The following CA6 variants were observed in gnomAD, a reference collection of about 807,000 sequenced individuals.
The protein encoded by CA6 is carbonic anhydrase 6, also known as carbonate dehydratase VI.
A neutral mutation model predicts 35.9 loss-of-function variants in CA6; 28 were observed. That is an observed-to-expected ratio of 0.78 (90% CI 0.58 to 1.07). The LOEUF (loss-of-function observed/expected upper bound fraction) is 1.07, where lower values mean the gene tolerates loss of function less well. CA6 is among the 50% of genes least tolerant of loss of function. The pLI, the probability that CA6 is intolerant of heterozygous loss-of-function variation, is 0.00. For synonymous variants in CA6, 148 were observed against 152.6 expected, an observed-to-expected ratio of 0.97 and a Z score of 0.22; for missense variants, 377 against 382.0, an observed-to-expected ratio of 0.99 and a Z score of 0.11.
chr1:8,973,718 T>TCTTTCTC (rs1557635440), intron 7 of CA6, among the ~76,000 whole-genome samples: 1 of 9,640 alleles, frequency 1.0e-4, no homozygotes, highest in South Asian at 6.0e-3. Context: ...CTCTCTTTCT[T>TCTTTCTC]TCTTTCTTTC....
Position 8,974,465 on chromosome 1 carries a change from A to T in CA6, c.845-157A>T, listed in dbSNP as rs752932558. 5.3e-6 allele frequency: 8 copies of T among 1,511,484 alleles called. No homozygotes were observed. In the South Asian group the frequency reaches 1.0e-4, roughly 19 times the overall value. 93.6% of individuals were successfully genotyped at this position (1,511,484 alleles called of 1,614,324 possible). ...CCTGAGTTCAAACACAGTGAAGATG[A>T]CTAAAGGCAATGCACCGGGCACGTG... On this transcript the variant is annotated intron_variant, in intron 7 of 7. Coordinates refer to ENST00000377443, the MANE Select transcript of CA6 (RefSeq NM_001215.4).
chr1:8,957,144 C>T lies in CA6; in HGVS notation c.267C>T (p.Ile89=), dbSNP rs551142758. The T allele has an allele frequency of 4.3e-4, 687 of 1,607,332 alleles. 8 individuals are homozygous for T. The South Asian group carries it at 7.1e-3, about 17-fold the overall frequency. ...PMVNNGHTVQ[I]SLPSTMRMTV... ...CCCACCTTGTCTCTCCAGTGCAGATCAGCCTGCCCTCCACCATGCGCATGA... is the reference window on the plus strand; with the variant it reads ...CCCACCTTGTCTCTCCAGTGCAGATTAGCCTGCCCTCCACCATGCGCATGA... Residue 89 remains isoleucine, a synonymous_variant, in exon 3 of 8, where the codon ATC becomes ATT. Transcript: ENST00000377443.
rs1207668248 is a variant in CA6 at position 8,963,063 on chromosome 1, G to A, written c.571+407G>A. Among the ~76,000 whole-genome samples the A allele has an allele frequency of 6.6e-6, 1 of 152,090 alleles. No homozygotes were observed. Among genetic ancestry groups the A allele is most frequent in the African/African-American group, 2.4e-5 (1 of 41,422 alleles). The stretch of plus-strand genomic sequence containing the variant: ...ATACCACTTGGACATCCAGACACTC[G>A]GGGTGTTCTTCCGTCCCCTCTCCTC... On this transcript the variant is annotated intron_variant, in intron 5 of 7. Transcript: ENST00000377443. The surrounding 1 kb of genome is among the most constrained non-coding windows in gnomAD (Gnocchi z 4.1).
intron 1 of CA6, among the ~76,000 whole-genome samples, chr1:8,946,802 T>G (rs1002370077): frequency 6.5e-5 from 8 of 123,546 alleles, no homozygotes; most frequent in African/African-American, 2.3e-4. Context: ...TGTTTTTTTT[T>G]TTGTTTTTTT....
chr1:8,949,653 A>G (rs113523347), intron 2 of CA6, among the ~76,000 whole-genome samples: 2,791 of 152,036 alleles, frequency 0.018, 51 homozygotes, highest in African/African-American at 0.038. Context: ...CTTTCGACTC[A>G]ACTCCCTGCT....
At chr1:8,959,075 G>C in intron 4 of CA6, 73 bp downstream of exon 4, 1 of 852,090 alleles carries the variant, frequency 1.2e-6, no homozygotes, top group Admixed American at 1.9e-5. Flanking sequence ...GTGAAGTCTA[G>C]TTGAACAGTC....
chr1:8,949,606 G>A (rs1254741127), intron 2 of CA6, among the ~76,000 whole-genome samples, 164 bp downstream of exon 2: 1 of 152,042 alleles, frequency 6.6e-6, no homozygotes, highest in Non-Finnish European at 1.5e-5. Flanking sequence ...GACTGGCCCC[G>A]AAACCTAGTG....
At chr1:8,958,842 T>C in intron 3 of CA6, 68 bp from the exon 4 acceptor site, 1 of 870,232 alleles carries the variant, frequency 1.1e-6, no homozygotes. Context: ...TCTTCCTCCT[T>C]CCCTGGAAAT....
Position 8,967,807 on chromosome 1 carries a change from C to T in CA6, c.720C>T (p.Ser240=). The T allele has an allele frequency of 6.2e-7, 1 of 1,613,954 alleles. No homozygotes were observed. The highest frequency in any genetic ancestry group is 1.1e-5 in the South Asian group (1 of 91,062). ...TGCTGGCAGATTTTGTCAAGCTCTC[C>T]AGGACACAGGTAATGTATGGTATCA... ...WFVLADFVKL[S]RTQVWKLENS... The change falls in exon 6 of 8, where the codon TCC becomes TCT. Residue 240 remains serine, a synonymous_variant. Transcript: ENST00000377443.
intron 1 of CA6, among the ~76,000 whole-genome samples, chr1:8,947,954 C>T (rs1197620194): frequency 6.6e-6 from 1 of 151,630 alleles, no homozygotes; most frequent in African/African-American, 2.4e-5. Context: ...AAGTGATTCT[C>T]CTGCCTTAGC....
chr1:8,957,586 C>G (rs1639722888), intron 3 of CA6, among the ~76,000 whole-genome samples: 1 of 152,090 alleles, frequency 6.6e-6, no homozygotes. Flanking sequence ...GGTGATCCAC[C>G]CGCCTTGGCC....
At position 8,963,995 on chromosome 1, in the gene CA6, C is replaced by T. The variant is rs1229604864; in HGVS notation, c.571+1339C>T. ...CCTGTGCCTGGGCTCCAGCAATTCC[C>T]CTGGAGCTGACGCTCCCACTCCCAC... is the stretch of plus-strand genomic sequence containing the variant. On this transcript the variant is annotated intron_variant, in intron 5 of 7. Coordinates refer to ENST00000377443, the MANE Select transcript of CA6 (RefSeq NM_001215.4). The surrounding 1 kb of genome is among the most constrained non-coding windows in gnomAD (Gnocchi z 4.1). 6.6e-6 allele frequency among the ~76,000 whole-genome samples: 1 copy of T among 152,230 alleles called. No individual in the cohort carries two copies. The highest frequency in any genetic ancestry group is 1.9e-4 in the East Asian group (1 of 5,198).
chr1:8,953,643 A>G (rs200790678), intron 2 of CA6, among the ~76,000 whole-genome samples: 4 of 137,190 alleles, frequency 2.9e-5, no homozygotes, highest in Non-Finnish European at 5.0e-5. Flanking sequence ...CAATCAGTCA[A>G]TCAATCAATC....
chr1:8,967,942 A>C (rs1406590360), intron 6 of CA6, 126 bp downstream of exon 6: 2 of 697,714 alleles, frequency 2.9e-6, no homozygotes, highest in Non-Finnish European at 4.5e-6. Context: ...GTGCAGGGCT[A>C]CTGTGCCTCG....
intron 1 of CA6, among the ~76,000 whole-genome samples, chr1:8,948,035 T>C (rs1191567514): frequency 6.6e-6 from 1 of 151,974 alleles, no homozygotes; most frequent in East Asian, 1.9e-4. Context: ...TTAGTAGAGA[T>C]GGAGTTTCTC....
chr1:8,968,915 G>A (rs12033389), intron 6 of CA6, among the ~76,000 whole-genome samples: 32,489 of 151,808 alleles, frequency 0.21, 3,880 homozygotes, highest in East Asian at 0.54. Flanking sequence ...CTACCCCAGA[G>A]GCTGAGGTGG....
At chr1:8,949,971 G>A (rs1287300941) in intron 2 of CA6, among the ~76,000 whole-genome samples, 1 of 151,980 alleles carries the variant, frequency 6.6e-6, no homozygotes, top group Non-Finnish European at 1.5e-5. Flanking sequence ...TCCGATATGA[G>A]AAACTGTAAA....
intron 1 of CA6, among the ~76,000 whole-genome samples, 199 bp from the exon 2 acceptor site, chr1:8,949,064 G>GC (rs1639447308): frequency 6.6e-6 from 1 of 152,026 alleles, no homozygotes; most frequent in South Asian, 2.1e-4. Flanking sequence ...TAGCACCAAA[G>GC]CCCCCCAAAC....
chr1:8,955,259 C>T (rs1343268709), intron 2 of CA6, among the ~76,000 whole-genome samples: 2 of 152,068 alleles, frequency 1.3e-5, no homozygotes, highest in African/African-American at 2.4e-5. Flanking sequence ...GCCTGTAGTC[C>T]CTGCTACTTG....
Sources: allele counts gnomAD v4.1 joint callset (sites outside exome capture counted in the v4.1 genomes callset), GRCh38; gene constraint gnomAD v4.1.1; non-coding constraint Gnocchi (gnomAD v3.1); transcripts MANE v1.5; gene names NCBI Gene and HGNC (gene_info 2026-07-23, HGNC 2026-07-21).